The following PTPN2 variants were observed in gnomAD, a reference collection of about 807,000 sequenced individuals.
PTPN2 encodes the protein tyrosine-protein phosphatase non-receptor type 2.
A neutral mutation model predicts 57.3 loss-of-function variants in PTPN2; 19 were observed. That is an observed-to-expected ratio of 0.33 (90% CI 0.23 to 0.49). PTPN2 has a LOEUF of 0.49. Ranked by LOEUF, PTPN2 falls within the 20% of genes least tolerant of loss-of-function variation. The pLI is 0.99. For synonymous variants in PTPN2, 153 were observed against 164.9 expected (o/e 0.93, Z 0.55); for missense variants, 358 against 501.1 (o/e 0.71, Z 2.73).
intron 1 of PTPN2, among the ~76,000 whole-genome samples, chr18:12,872,960 C>G (rs889863086): frequency 2.6e-5 from 4 of 152,188 alleles, no homozygotes; most frequent in African/African-American, 7.2e-5. Context: ...GTGGCTCACG[C>G]CTGTAATCCC....
intron 1 of PTPN2, 92 bp downstream of exon 1, chr18:12,883,981 A>AGAGGCGGGG (rs1270576699): frequency 1.7e-4 from 198 of 1,165,412 alleles, no homozygotes; most frequent in South Asian, 1.7e-3. Flanking sequence ...GCTAGAGGCG[A>AGAGGCGGGG]GAGGCGGGGG....
chr18:12,807,586 A>AAAAAAAAAAATATAT, intron 7 of PTPN2, among the ~76,000 whole-genome samples: 10 of 35,180 alleles, frequency 2.8e-4, no homozygotes, highest in African/African-American at 7.0e-4. Context: ...AAAAAAAAAA[A>AAAAAAAAAAATATAT]ATATATATAT....
chr18:12,821,993 T>C (rs2042284949), intron 5 of PTPN2, among the ~76,000 whole-genome samples: 1 of 152,036 alleles, frequency 6.6e-6, no homozygotes, highest in African/African-American at 2.4e-5. Context: ...AAAAACCTCA[T>C]TATGGAGTCA....
intron 5 of PTPN2, among the ~76,000 whole-genome samples, chr18:12,819,987 C>T (rs950886357): frequency 6.6e-6 from 1 of 152,236 alleles, no homozygotes; most frequent in Non-Finnish European, 1.5e-5. Context: ...GCCTGCAGTG[C>T]TCTGTGGGCT....
intron 4 of PTPN2, among the ~76,000 whole-genome samples, chr18:12,828,050 GAAC>G (rs998432491): frequency 2.0e-5 from 3 of 151,906 alleles, no homozygotes; most frequent in Admixed American, 2.0e-4. Flanking sequence ...CAGATAAAAA[GAAC>G]AAGAGACTTA....
chr18:12,883,732 C>G (rs984621861), intron 1 of PTPN2: 4 of 214,432 alleles, frequency 1.9e-5, no homozygotes, highest in African/African-American at 9.1e-5. Context: ...AGCGCCCCCA[C>G]GGCTTTCCCA....
intron 1 of PTPN2, among the ~76,000 whole-genome samples, chr18:12,879,190 G>A (rs2044589008): frequency 6.6e-6 from 1 of 152,144 alleles, no homozygotes. Flanking sequence ...CTAGTCTGTA[G>A]TGCAGTGGCA....
intron 2 of PTPN2, among the ~76,000 whole-genome samples, chr18:12,857,250 T>C (rs1228240639): frequency 6.6e-6 from 1 of 152,074 alleles, no homozygotes; most frequent in Non-Finnish European, 1.5e-5. Context: ...AGTGACCCTG[T>C]GATGGGAATG....
At position 12,884,137 on chromosome 18, in the gene PTPN2, G is replaced by T. The variant is rs771614274; in HGVS notation, c.5C>A (p.Pro2His). The change falls in exon 1 of 9, where the codon CCC (proline) becomes CAC (histidine). Residue 2 changes from proline (P) to histidine (H), a missense_variant. Physicochemically the swap from Pro to His is moderately conservative, Grantham distance 77. This residue lies in a region of PTPN2 where 62 missense variants were observed against 47.9 expected (regional missense o/e 1.29). Coordinates refer to ENST00000309660, the MANE Select transcript of PTPN2 (RefSeq NM_002828.4). ...TTCGAACTCCCGCTCGATGGTGGTG[G>T]GCATGGCTGCGGGAGCGAGCTGGCG... M[P>H]TTIEREFEEL... 9.5e-6 allele frequency: 15 copies of T among 1,584,522 alleles called. No individual in the cohort carries two copies. In the South Asian group the frequency reaches 1.4e-4, roughly 15 times the overall value.
At position 12,882,466 on chromosome 18, in the gene PTPN2, T is replaced by C. The variant is rs45524836; in HGVS notation, c.69+1607A>G. ...ATTAATGATACCAAAGAAAATTAAATTTCTTAAACCAAAATGTTAAGCTGA... is the reference window on the plus strand; with the variant it reads ...ATTAATGATACCAAAGAAAATTAAACTTCTTAAACCAAAATGTTAAGCTGA... On this transcript the variant is annotated intron_variant, in intron 1 of 8. Transcript: ENST00000309660. Among the ~76,000 whole-genome samples the C allele has an allele frequency of 9.2e-4, 140 of 152,372 alleles. 1 individual carries two copies. The highest frequency in any genetic ancestry group is 1.7e-3 in the Non-Finnish European group (118 of 68,032).
chr18:12,878,706 T>C (rs1426019653), intron 1 of PTPN2, among the ~76,000 whole-genome samples: 1 of 152,094 alleles, frequency 6.6e-6, no homozygotes, highest in Non-Finnish European at 1.5e-5. Context: ...AGGAGTTCCA[T>C]TGTTTATAAA....
Position 12,814,157 on chromosome 18 carries a change from G to A in PTPN2, c.858+46C>T, listed in dbSNP as rs554285585. ...GTGGAGTGCAGTTATTTGATGCTATGTGTATTTAACAAATAGATATGATTT... is the reference window on the plus strand; with the variant it reads ...GTGGAGTGCAGTTATTTGATGCTATATGTATTTAACAAATAGATATGATTT... On this transcript the variant is annotated intron_variant, in intron 7 of 8. Coordinates refer to ENST00000309660, the MANE Select transcript of PTPN2 (RefSeq NM_002828.4). 2.4e-5 allele frequency: 32 copies of A among 1,334,096 alleles called. No homozygotes were observed. In the African/African-American group the frequency reaches 3.7e-4, roughly 15 times the overall value. 82.6% of individuals were successfully genotyped at this position (1,334,096 alleles called of 1,614,324 possible).
intron 1 of PTPN2, among the ~76,000 whole-genome samples, chr18:12,870,449 A>ACACG (rs1360290185): frequency 2.8e-5 from 1 of 35,780 alleles, no homozygotes; most frequent in Non-Finnish European, 4.6e-5. Flanking sequence ...GTGTATATAT[A>ACACG]TATATATATA....
chr18:12,802,249 A>G, intron 7 of PTPN2, 98 bp from the exon 8 acceptor site: 1 of 985,714 alleles, frequency 1.0e-6, no homozygotes. Flanking sequence ...ATTCAAGTTA[A>G]GAAAACCCAA....
intron 1 of PTPN2, among the ~76,000 whole-genome samples, chr18:12,874,804 T>A (rs2044430269): frequency 6.6e-6 from 1 of 151,866 alleles, no homozygotes; most frequent in African/African-American, 2.4e-5. Flanking sequence ...GTCTGGGAGG[T>A]GTGCCCAACA....
chr18:12,799,285 C>T (rs1189359828), intron 8 of PTPN2, among the ~76,000 whole-genome samples: 25 of 151,624 alleles, frequency 1.6e-4, no homozygotes, highest in Admixed American at 1.1e-3. Context: ...GGTGTAGTGG[C>T]GGGGGCCTGT....
intron 2 of PTPN2, among the ~76,000 whole-genome samples, chr18:12,842,803 G>A (rs961849600): frequency 1.4e-4 from 21 of 152,160 alleles, no homozygotes; most frequent in Admixed American, 7.9e-4. Context: ...CTAGTAGAGT[G>A]TCATAACAAT....
intron 7 of PTPN2, among the ~76,000 whole-genome samples, chr18:12,807,586 A>AAAAAAAAAAAAAAAAATAT: frequency 2.8e-5 from 1 of 35,194 alleles, no homozygotes; most frequent in Non-Finnish European, 6.1e-5. Context: ...AAAAAAAAAA[A>AAAAAAAAAAAAAAAAATAT]ATATATATAT....
In PTPN2 at chr18:12,861,010, T is replaced by G. The variant is rs544161298; in HGVS notation, c.70-1756A>C. 2.6e-5 allele frequency among the ~76,000 whole-genome samples: 4 copies of G among 152,272 alleles called. No homozygotes were observed. The South Asian group carries it at 8.3e-4, about 32-fold the overall frequency. ...TTTTAAAAGTTAGGTGCCATTTTGT[T>G]TATTTGTTTTTATAGACATAGGGTC... On this transcript the variant is annotated intron_variant, in intron 1 of 8. Coordinates refer to ENST00000309660, the MANE Select transcript of PTPN2 (RefSeq NM_002828.4).
Sources: gnomAD v4.1 joint callset for allele counts (sites outside exome capture counted in the v4.1 genomes callset) on GRCh38, gnomAD v4.1.1 for gene constraint, gnomAD v4.1.1 regional missense constraint, MANE v1.5 for transcripts, NCBI Gene and HGNC (gene_info 2026-07-23, HGNC 2026-07-21) for gene names.